Variants in CHST9 observed in about 807,000 individuals in gnomAD.
CHST9 encodes the protein carbohydrate sulfotransferase 9, also known as GalNAc-4-sulfotransferase 2.
Under a neutral mutation model 44.4 loss-of-function variants are expected in CHST9, and 41 were observed. That is an observed-to-expected ratio of 0.92 (90% CI 0.72 to 1.20). The LOEUF (loss-of-function observed/expected upper bound fraction) is 1.20, where lower values mean the gene tolerates loss of function less well. CHST9 is among the 50% of genes most tolerant of loss of function. The pLI, the probability that CHST9 is intolerant of heterozygous loss-of-function variation, is 0.00. For synonymous variants in CHST9, 171 were observed against 178.4 expected (o/e 0.96, Z 0.33); for missense variants, 504 against 516.5 (o/e 0.98, Z 0.23).
At chr18:27,161,235 C>G (rs2058744378) in intron 1 of CHST9, among the ~76,000 whole-genome samples, 1 of 152,150 alleles carries the variant, frequency 6.6e-6, no homozygotes, top group African/African-American at 2.4e-5. Context: ...CCTGCTTTCT[C>G]TTGTGGGCAT....
At position 26,917,084 on chromosome 18, in the gene CHST9, C is replaced by G. The variant is rs1382386472; in HGVS notation, c.507G>C (p.Lys169Asn). ...NKSLVKDNKW[K>N]KTEETQEKRR... is the part of the protein sequence containing the mutation. ...GTTTCTCTTGGGTCTCCTCAGTTTT[C>G]TTCCATTTATTATCTTTGACTAAAC... The change falls in exon 6 of 6, where the codon AAG (lysine) becomes AAC (asparagine). Residue 169 changes from lysine to asparagine, a missense_variant. By Grantham distance (94) the Lys-to-Asn change is moderately conservative. Coordinates refer to ENST00000618847, the MANE Select transcript of CHST9 (RefSeq NM_031422.6). The G allele has an allele frequency of 1.9e-6, 3 of 1,613,828 alleles. No individual in the cohort carries two copies. Among genetic ancestry groups the G allele is most frequent in the Non-Finnish European group, 2.5e-6 (3 of 1,179,880 alleles).
intron 2 of CHST9, among the ~76,000 whole-genome samples, chr18:27,070,266 A>G (rs1042122607): frequency 6.6e-6 from 1 of 152,200 alleles, no homozygotes; most frequent in Non-Finnish European, 1.5e-5. Context: ...CAGGGGCTCC[A>G]CACTTAATGC....
intron 5 of CHST9, among the ~76,000 whole-genome samples, chr18:26,931,237 C>T (rs1349157076): frequency 2.6e-5 from 4 of 152,168 alleles, no homozygotes; most frequent in African/African-American, 9.7e-5. Context: ...GTAATCTGCA[C>T]CTTGGGAGGA....
chr18:27,147,893 G>C (rs554575216), intron 1 of CHST9: 1 of 150,012 alleles, frequency 6.7e-6, no homozygotes, highest in Non-Finnish European at 1.5e-5. Flanking sequence ...TAAGTTCAGG[G>C]ATATAAATCC....
chr18:27,073,424 C>T (rs370695658), intron 2 of CHST9, among the ~76,000 whole-genome samples: 13 of 151,208 alleles, frequency 8.6e-5, no homozygotes, highest in East Asian at 3.9e-4. Context: ...GGGTGGGCAG[C>T]GCAGGTGCTG....
chr18:26,929,391 G>A lies in CHST9; in HGVS notation c.241-12041C>T, dbSNP rs73948514. The stretch of plus-strand genomic sequence containing the variant: ...GATAAATGCAGTTATAAAGTACCTA[G>A]TACAGTACCTGACATATAGTGTCTG... On this transcript the variant is annotated intron_variant, in intron 5 of 5. Transcript: ENST00000618847. Among the ~76,000 whole-genome samples the A allele has an allele frequency of 3.1e-3, 466 of 152,254 alleles. 1 individual carries two copies. The highest frequency in any genetic ancestry group is 0.011 in the African/African-American group (441 of 41,536).
intron 2 of CHST9, among the ~76,000 whole-genome samples, chr18:27,089,910 A>ACG (rs2058051559): frequency 6.8e-6 from 1 of 147,388 alleles, no homozygotes; most frequent in African/African-American, 2.5e-5. Context: ...TCCCAGGTTC[A>ACG]CGCCGTTCTC....
intron 2 of CHST9, among the ~76,000 whole-genome samples, chr18:27,065,551 A>G (rs2057772677): frequency 6.6e-6 from 1 of 150,620 alleles, no homozygotes; most frequent in Non-Finnish European, 1.5e-5. Context: ...GAAAGGTATA[A>G]TGAAGTAAGA....
intron 3 of CHST9, among the ~76,000 whole-genome samples, chr18:27,043,729 C>T (rs7234340): frequency 0.6 from 91,815 of 151,830 alleles, 27,914 homozygotes; most frequent in East Asian, 0.74. Context: ...TTTTTAGAAA[C>T]CTCTCTCCTG....
At chr18:27,154,803 T>C (rs1408400813) in intron 1 of CHST9, among the ~76,000 whole-genome samples, 2 of 151,788 alleles carry the variant, frequency 1.3e-5, no homozygotes, top group African/African-American at 4.8e-5. Flanking sequence ...CTCTATGTGG[T>C]CGGGTGTGGT....
chr18:27,036,847 T>C (rs1010014268), intron 3 of CHST9, among the ~76,000 whole-genome samples: 3 of 152,150 alleles, frequency 2.0e-5, no homozygotes, highest in East Asian at 3.9e-4. Context: ...TACGATACAG[T>C]ATTGTGAACT....
At chr18:26,993,859 G>T (rs1227263221) in intron 4 of CHST9, among the ~76,000 whole-genome samples, 1 of 152,156 alleles carries the variant, frequency 6.6e-6, no homozygotes, top group East Asian at 1.9e-4. Context: ...CAGACTGCGG[G>T]CTTAAACAAA....
At chr18:26,948,732 G>T (rs186116992) in intron 4 of CHST9, among the ~76,000 whole-genome samples, 239 of 152,252 alleles carry the variant, frequency 1.6e-3, no homozygotes, top group African/African-American at 5.7e-3. Flanking sequence ...ATAACAAAGG[G>T]TTAACAATAT....
chr18:27,095,983 AT>A (rs1420638484), intron 2 of CHST9, among the ~76,000 whole-genome samples: 1 of 152,018 alleles, frequency 6.6e-6, no homozygotes, highest in African/African-American at 2.4e-5. Flanking sequence ...CAAAATGGAC[AT>A]TTTTTAAAAT....
At chr18:27,001,419 G>A (rs1213135451) in intron 4 of CHST9, among the ~76,000 whole-genome samples, 1 of 152,178 alleles carries the variant, frequency 6.6e-6, no homozygotes, top group African/African-American at 2.4e-5. Flanking sequence ...ATTAGCAAAA[G>A]TATAAAGAAG....
At chr18:26,986,336 T>C (rs2056754743) in intron 4 of CHST9, among the ~76,000 whole-genome samples, 1 of 151,998 alleles carries the variant, frequency 6.6e-6, no homozygotes, top group Admixed American at 6.6e-5. Flanking sequence ...ATGATTAATA[T>C]CAGATTAGAC....
rs189742170 is a variant in CHST9 at position 27,090,073 on chromosome 18, A to C, written c.122-41570T>G. ...TGATCCTCCTGCCTCGGCCTCCCAC[A>C]GTGCTGGGATTACAGGCGTGAGCCA... On this transcript the variant is annotated intron_variant, in intron 2 of 5. Coordinates refer to ENST00000618847, the MANE Select transcript of CHST9 (RefSeq NM_031422.6). Among the ~76,000 whole-genome samples, 910 of 152,178 alleles carry C rather than the reference A, an allele frequency of 6.0e-3. 12 individuals carry two copies. Among genetic ancestry groups the C allele is most frequent in the African/African-American group, 0.021 (864 of 41,508 alleles).
chr18:26,927,196 G>T (rs1396326134), intron 5 of CHST9, among the ~76,000 whole-genome samples: 2 of 152,088 alleles, frequency 1.3e-5, no homozygotes, highest in Non-Finnish European at 2.9e-5. Context: ...GCTGTCTTGT[G>T]TTGCAATTTC....
At chr18:27,124,987 T>C (rs893586219) in intron 2 of CHST9, among the ~76,000 whole-genome samples, 8 of 152,226 alleles carry the variant, frequency 5.3e-5, no homozygotes, top group African/African-American at 1.9e-4. Flanking sequence ...CATTGGTTTA[T>C]TGAGTGTATG....
Sources: allele counts gnomAD v4.1 joint callset (sites outside exome capture counted in the v4.1 genomes callset), GRCh38; gene constraint gnomAD v4.1.1; transcripts MANE v1.5; gene names NCBI Gene and HGNC (gene_info 2026-07-23, HGNC 2026-07-21).